The following TNIK variants were observed in gnomAD, a reference collection of about 807,000 sequenced individuals.
TNIK encodes the protein TRAF2 and NCK interacting kinase.
In TNIK, 49 loss-of-function variants were observed where a neutral mutation model predicts 191.3. The ratio of observed to expected loss-of-function variants is 0.26; its 90% confidence interval spans 0.20 to 0.32. The LOEUF (loss-of-function observed/expected upper bound fraction) is 0.32, where lower values mean the gene tolerates loss of function less well. Among genes scored for constraint, TNIK ranks in the 10% least tolerant of loss-of-function variants. The pLI is 1.00. For synonymous variants in TNIK, 594 were observed against 600.9 expected, an observed-to-expected ratio of 0.99 and a Z score of 0.17; for missense variants, 1,155 against 1,702.3, an observed-to-expected ratio of 0.68 and a Z score of 5.66.
intron 1 of TNIK, among the ~76,000 whole-genome samples, chr3:171,455,509 G>A (rs1462244660): frequency 1.3e-5 from 2 of 151,658 alleles, no homozygotes; most frequent in African/African-American, 4.9e-5. Flanking sequence ...CCGAAGTGCT[G>A]GGATTACAGG....
In TNIK at chr3:171,405,562, C is replaced by T. The variant is rs16856307; in HGVS notation, c.58-35877G>A. Among the ~76,000 whole-genome samples, 475 of 147,756 alleles carry T rather than the reference C, an allele frequency of 3.2e-3. 2 individuals are homozygous for T. The highest frequency in any genetic ancestry group is 0.012 in the African/African-American group (462 of 39,470). ...TACAGAGGCAACACACCGAGTTAAA[C>T]AACAGCCTGGAGAAAATAGATTCAT... is the stretch of plus-strand genomic sequence containing the variant. On this transcript the variant is annotated intron_variant, in intron 1 of 32. Coordinates refer to ENST00000436636, the MANE Select transcript of TNIK (RefSeq NM_015028.4).
At chr3:171,141,813 A>G (rs932675672) in intron 12 of TNIK, among the ~76,000 whole-genome samples, 1 of 152,146 alleles carries the variant, frequency 6.6e-6, no homozygotes, top group Non-Finnish European at 1.5e-5. Context: ...TTCAGAGGGG[A>G]CATACCAGGG....
intron 9 of TNIK, among the ~76,000 whole-genome samples, chr3:171,174,425 G>A (rs774374999): frequency 5.3e-5 from 8 of 152,176 alleles, no homozygotes; most frequent in Admixed American, 1.3e-4. Context: ...TGAGTAATCC[G>A]AGATTCAAGA....
chr3:171,082,224 G>C (rs1481181024), intron 27 of TNIK, 27 bp downstream of exon 27: 1 of 1,606,322 alleles, frequency 6.2e-7, no homozygotes, highest in South Asian at 1.1e-5. Context: ...GTATGGACCT[G>C]GGGGACTCAT....
chr3:171,276,364 A>T (rs774815785), intron 2 of TNIK, among the ~76,000 whole-genome samples: 72 of 152,152 alleles, frequency 4.7e-4, no homozygotes, highest in Non-Finnish European at 3.1e-4. Flanking sequence ...AAGCCTAGGG[A>T]GCAGAAAGAT....
intron 2 of TNIK, among the ~76,000 whole-genome samples, chr3:171,348,868 T>C (rs901618303): frequency 1.3e-5 from 2 of 152,134 alleles, no homozygotes; most frequent in Admixed American, 1.3e-4. Context: ...GCAAATATTT[T>C]AATTTAAAAA....
chr3:171,202,726 A>G (rs1458195552), intron 4 of TNIK, among the ~76,000 whole-genome samples: 2 of 152,234 alleles, frequency 1.3e-5, no homozygotes, highest in African/African-American at 4.8e-5. Context: ...GTATTAAGTT[A>G]CGTGTAGCTT....
chr3:171,108,120 G>A lies in TNIK; in HGVS notation c.2327C>T (p.Pro776Leu), dbSNP rs755774415. The change falls in exon 20 of 33, where the codon CCT becomes CTT. Residue 776 changes from proline to leucine, a missense_variant. Physicochemically the swap from Pro to Leu is moderately conservative, Grantham distance 98 (BLOSUM62 -3). This residue lies in a region of TNIK where 735 missense variants were observed against 848.0 expected (regional missense o/e 0.87). Transcript: ENST00000436636. ...GGATTCTTCTGGTTTCACCTTCGCAGGCTCATGGGGGAGCACAGGTGATCC... is the reference window on the plus strand; with the variant it reads ...GGATTCTTCTGGTTTCACCTTCGCAAGCTCATGGGGGAGCACAGGTGATCC... ...SEGSPVLPHE[P>L]AKVKPEESRD... The A allele has an allele frequency of 2.5e-6, 4 of 1,576,930 alleles. No individual in the cohort carries two copies. Among genetic ancestry groups the A allele is most frequent in the South Asian group, 2.3e-5 (2 of 85,544 alleles).
At chr3:171,429,381 T>C (rs890849940) in intron 1 of TNIK, among the ~76,000 whole-genome samples, 1 of 152,234 alleles carries the variant, frequency 6.6e-6, no homozygotes, top group African/African-American at 2.4e-5. Flanking sequence ...ATAATATTTA[T>C]TGGCTCCACA....
chr3:171,107,166 G>A lies in TNIK; in HGVS notation c.2406+17C>T. 2 of 1,607,932 alleles carry A rather than the reference G, an allele frequency of 1.2e-6. No homozygotes were observed. Among genetic ancestry groups the A allele is most frequent in the Non-Finnish European group, 8.5e-7 (1 of 1,178,088 alleles). On this transcript the variant is annotated intron_variant, in intron 21 of 32. Coordinates refer to ENST00000436636, the MANE Select transcript of TNIK (RefSeq NM_015028.4). ...TTACATTTTGTGAAAGCATGACCAAGAAAAGGTAATACTAACCTCATCTAT... is the reference window on the plus strand; with the variant it reads ...TTACATTTTGTGAAAGCATGACCAAAAAAAGGTAATACTAACCTCATCTAT...
At chr3:171,086,242 T>A (rs1191993537) in intron 24 of TNIK, among the ~76,000 whole-genome samples, 1 of 152,212 alleles carries the variant, frequency 6.6e-6, no homozygotes, top group Non-Finnish European at 1.5e-5. Flanking sequence ...CTAATCTGAT[T>A]TAATTCAAGA....
intron 1 of TNIK, among the ~76,000 whole-genome samples, chr3:171,383,427 T>C (rs982576688): frequency 5.3e-5 from 8 of 152,236 alleles, no homozygotes; most frequent in African/African-American, 1.7e-4. Flanking sequence ...CAACGTTCTC[T>C]GACTGCTGGC....
intron 2 of TNIK, among the ~76,000 whole-genome samples, chr3:171,365,245 C>T (rs546278243): frequency 6.4e-5 from 8 of 124,732 alleles, no homozygotes; most frequent in East Asian, 2.9e-4. Context: ...TGCAATGGTG[C>T]GATCTCAGCT....
chr3:171,216,802 A>T lies in TNIK; in HGVS notation c.181-5561T>A, dbSNP rs1741508462. ...ACAGACTGTAATAAATTAGATTGTAATAAATAATTACAATAGATTGTAATA... is the reference window on the plus strand; with the variant it reads ...ACAGACTGTAATAAATTAGATTGTATTAAATAATTACAATAGATTGTAATA... On this transcript the variant is annotated intron_variant, in intron 3 of 32. Transcript: ENST00000436636. Among the ~76,000 whole-genome samples the T allele has an allele frequency of 3.9e-5, 6 of 152,236 alleles. 1 individual carries two copies. In the South Asian group the frequency reaches 1.0e-3, roughly 26 times the overall value.
chr3:171,420,775 C>T (rs1723699426), intron 1 of TNIK, among the ~76,000 whole-genome samples: 1 of 152,120 alleles, frequency 6.6e-6, no homozygotes, highest in Non-Finnish European at 1.5e-5. Flanking sequence ...GCAAGCACTG[C>T]AAGACTGCAA....
At chr3:171,405,018 T>G (rs1253328249) in intron 1 of TNIK, among the ~76,000 whole-genome samples, 3 of 152,190 alleles carry the variant, frequency 2.0e-5, no homozygotes, top group Admixed American at 2.0e-4. Flanking sequence ...TCAATAAAGG[T>G]GACTGAGGGT....
At chr3:171,400,047 C>T (rs968707435) in intron 1 of TNIK, among the ~76,000 whole-genome samples, 7 of 152,150 alleles carry the variant, frequency 4.6e-5, no homozygotes, top group African/African-American at 1.7e-4. Context: ...AAGGCTCTCA[C>T]AGGAATATAC....
chr3:171,245,939 A>T (rs1380817657), intron 2 of TNIK, among the ~76,000 whole-genome samples: 1 of 152,220 alleles, frequency 6.6e-6, no homozygotes, highest in Non-Finnish European at 1.5e-5. Flanking sequence ...ACAGACAGAC[A>T]GACTTGGGGG....
chr3:171,439,380 A>C (rs2108683615), intron 1 of TNIK: 1 of 152,100 alleles, frequency 6.6e-6, no homozygotes, highest in Admixed American at 6.5e-5. Flanking sequence ...AATTGGACCA[A>C]ACTAGGTTCA....
Sources: gnomAD v4.1 joint callset for allele counts (sites outside exome capture counted in the v4.1 genomes callset) on GRCh38, gnomAD v4.1.1 for gene constraint, gnomAD v4.1.1 regional missense constraint, MANE v1.5 for transcripts, NCBI Gene and HGNC (gene_info 2026-07-23, HGNC 2026-07-21) for gene names.